Variants in USP25 observed in about 807,000 individuals in gnomAD.
USP25 encodes ubiquitin specific peptidase 25, also known as ubiquitin carboxyl-terminal hydrolase 25.
In USP25, 85 loss-of-function variants were observed where a neutral mutation model predicts 158.5. The ratio of observed to expected loss-of-function variants is 0.54; its 90% CI spans 0.45 to 0.64. The LOEUF (loss-of-function observed/expected upper bound fraction) is 0.64. Ranked by LOEUF, USP25 falls within the 30% of genes least tolerant of loss-of-function variation. The probability of loss-of-function intolerance (pLI) is 0.00; values close to 1 mark genes in which losing one functional copy is unlikely to be tolerated. For missense variants in USP25, 1,242 were observed against 1,327.3 expected (o/e 0.94, Z 1.00); for synonymous variants, 464 against 460.4 (o/e 1.01, Z -0.10).
chr21:15,829,964 G>A (rs765195366), intron 14 of USP25, among the ~76,000 whole-genome samples: 4 of 152,152 alleles, frequency 2.6e-5, no homozygotes, highest in Non-Finnish European at 4.4e-5. Context: ...CAATCTAACC[G>A]TTTCCTTATT....
At position 15,826,126 on chromosome 21, in the gene USP25, C is replaced by CA. The variant is rs1305716581; in HGVS notation, c.1305-77dup. 60 of 1,415,040 alleles carry CA rather than the reference C, an allele frequency of 4.2e-5. No individual in the cohort carries two copies. Among genetic ancestry groups the CA allele is most frequent in the African/African-American group, 1.4e-5 (1 of 69,222 alleles). 87.7% of individuals were successfully genotyped at this position (1,415,040 alleles called of 1,614,324 possible). On this transcript the variant is annotated intron_variant, in intron 12 of 25. Transcript: ENST00000400183. The surrounding 1 kb of genome is among the most constrained non-coding windows in gnomAD (Gnocchi z 4.8). ...AGGAAGTTTTATTGAAGTATCGTATCACGTTTTATAATAATAATAAAGGCC... is the reference window on the plus strand; with the variant it reads ...AGGAAGTTTTATTGAAGTATCGTATCAACGTTTTATAATAATAATAAAGGCC...
At chr21:15,747,715 A>G (rs1164281381) in intron 1 of USP25, among the ~76,000 whole-genome samples, 1 of 152,152 alleles carries the variant, frequency 6.6e-6, no homozygotes, top group Non-Finnish European at 1.5e-5. Context: ...GGGAAGATTC[A>G]TGTTGTGGGT....
intron 17 of USP25, among the ~76,000 whole-genome samples, chr21:15,839,541 A>G (rs546098260): frequency 6.6e-6 from 1 of 152,314 alleles, no homozygotes; most frequent in South Asian, 2.1e-4. Context: ...GTAGGTAGGT[A>G]CAGTCTGGAA....
At chr21:15,764,097 G>A (rs973131696) in intron 2 of USP25, among the ~76,000 whole-genome samples, 5 of 152,160 alleles carry the variant, frequency 3.3e-5, no homozygotes, top group Middle Eastern at 3.4e-3. Flanking sequence ...GCATTAATGC[G>A]GGGTGTATGA....
chr21:15,841,957 A>C (rs1266059909), intron 17 of USP25, among the ~76,000 whole-genome samples: 3 of 152,162 alleles, frequency 2.0e-5, no homozygotes, highest in African/African-American at 7.2e-5. Context: ...AAAAGATGGA[A>C]GGTTAGGTTC....
rs146479834 is a variant in USP25 at position 15,831,615 on chromosome 21, A to T, written c.1979A>T (p.Gln660Leu). 9.9e-6 allele frequency: 16 copies of T among 1,613,280 alleles called. No individual in the cohort carries two copies. The African/African-American group carries it at 1.6e-4, about 16-fold the overall frequency. ...TTAATGTACATAAATGATAAGGCAC[A>T]GTTCCTAATACAAGGTAAGAATATA... Reference protein sequence around the residue: ...YCLMYINDKAQFLIQEEFNKE... With the variant: ...YCLMYINDKALFLIQEEFNKE... Residue 660 changes from glutamine to leucine, a missense_variant, in exon 16 of 26, where the codon CAG (glutamine) becomes CTG (leucine). By Grantham distance (113) the Gln-to-Leu change is moderately radical (BLOSUM62 -2). Coordinates refer to ENST00000400183, the MANE Select transcript of USP25 (RefSeq NM_001283041.3).
chr21:15,828,408 T>C (rs2037631381), intron 14 of USP25, among the ~76,000 whole-genome samples: 1 of 152,108 alleles, frequency 6.6e-6, no homozygotes, highest in Non-Finnish European at 1.5e-5. Flanking sequence ...AGTAGTGGCA[T>C]TGAGGGAGGG....
At chr21:15,862,736 CAT>C in intron 20 of USP25, among the ~76,000 whole-genome samples, 1 of 139,272 alleles carries the variant, frequency 7.2e-6, no homozygotes, top group Non-Finnish European at 1.5e-5. Context: ...TTTGGAATGA[CAT>C]GTATATCCTC....
At chr21:15,763,433 A>C (rs1017653572) in intron 2 of USP25, among the ~76,000 whole-genome samples, 1 of 152,178 alleles carries the variant, frequency 6.6e-6, no homozygotes, top group African/African-American at 2.4e-5. Flanking sequence ...TTACACCCTA[A>C]GTTAAACATT....
At chr21:15,788,675 G>A (rs2035426089) in intron 4 of USP25, among the ~76,000 whole-genome samples, 1 of 152,030 alleles carries the variant, frequency 6.6e-6, no homozygotes, top group Non-Finnish European at 1.5e-5. Flanking sequence ...AAGAGGGTCA[G>A]GAAATCATGG....
Position 15,730,423 on chromosome 21 carries a change from G to C in USP25, c.30G>C (p.Gln10His). The C allele has an allele frequency of 2.2e-6, 3 of 1,365,434 alleles. No homozygotes were observed. Among genetic ancestry groups the C allele is most frequent in the Non-Finnish European group, 2.9e-6 (3 of 1,049,710 alleles). The allele number at this position is 1,365,434 out of a possible 1,614,324, so 84.6% of individuals were successfully genotyped here. The change falls in exon 1 of 26, where the codon CAG becomes CAC. Residue 10 changes from glutamine (Q) to histidine (H), a missense_variant. This residue lies in a region of USP25 where 627 missense variants were observed against 701.4 expected (regional missense o/e 0.89). Transcript: ENST00000400183. ...CCGTGGAGCAGAACGTGCTGCAGCA[G>C]AGCGCGGCGCAGAAGGTGAGGCGAG... MTVEQNVLQQSAAQKHQQTF... is the reference protein window; with the variant it reads MTVEQNVLQHSAAQKHQQTF...
At chr21:15,782,648 C>T (rs928863613) in intron 4 of USP25, among the ~76,000 whole-genome samples, 1 of 152,140 alleles carries the variant, frequency 6.6e-6, no homozygotes, top group Non-Finnish European at 1.5e-5. Context: ...GGTGAGGATT[C>T]CAGCTGAATA....
intron 20 of USP25, among the ~76,000 whole-genome samples, chr21:15,851,516 A>G (rs1016834622): frequency 1.3e-5 from 2 of 152,078 alleles, no homozygotes; most frequent in Admixed American, 6.6e-5. Context: ...ACACACACAC[A>G]CACACACACA....
At chr21:15,807,545 A>G (rs536264306) in intron 7 of USP25, among the ~76,000 whole-genome samples, 1 of 152,286 alleles carries the variant, frequency 6.6e-6, no homozygotes, top group African/African-American at 2.4e-5. Context: ...GCAGGGCCAC[A>G]CTTCCTCCAT....
At chr21:15,800,774 A>C (rs2036094734) in intron 6 of USP25, among the ~76,000 whole-genome samples, 1 of 151,408 alleles carries the variant, frequency 6.6e-6, no homozygotes, top group Non-Finnish European at 1.5e-5. Flanking sequence ...TGAAATATTA[A>C]ATTATGTTTT....
At chr21:15,760,106 C>A (rs546973320) in intron 1 of USP25, among the ~76,000 whole-genome samples, 1 of 152,194 alleles carries the variant, frequency 6.6e-6, no homozygotes, top group Non-Finnish European at 1.5e-5. Flanking sequence ...GATAGCAGAA[C>A]CCTGATTTCA....
intron 1 of USP25, among the ~76,000 whole-genome samples, chr21:15,761,742 C>T (rs1384643824): frequency 6.6e-6 from 1 of 152,112 alleles, no homozygotes; most frequent in Non-Finnish European, 1.5e-5. Context: ...TGTATAAAAC[C>T]CCAAGTCAAA....
Position 15,846,158 on chromosome 21 carries a change from A to ATTT in USP25, c.2338-1485_2338-1483dup, listed in dbSNP as rs397973617. ...TATATATATATATATATATATATAT[A>ATTT]TTTTTTTTTTTTTTTTTTTTTTGAG... On this transcript the variant is annotated intron_variant, in intron 18 of 25. Transcript: ENST00000400183. Among the ~76,000 whole-genome samples the ATTT allele has an allele frequency of 2.1e-3, 50 of 23,952 alleles. 2 individuals carry two copies. The highest frequency in any genetic ancestry group is 4.6e-3 in the East Asian group (3 of 656). 15.7% of individuals were successfully genotyped at this position (23,952 alleles called of 152,430 possible). A position where few individuals can be genotyped will look rare whatever the true frequency, so the allele number is the denominator to read the frequency against.
chr21:15,805,592 G>A (rs961003236), intron 7 of USP25: 1 of 168,814 alleles, frequency 5.9e-6, no homozygotes, highest in African/African-American at 2.4e-5. Context: ...TGCTGGCAGG[G>A]AGTACTTTTC....
Sources: gnomAD v4.1 joint callset for allele counts (sites outside exome capture counted in the v4.1 genomes callset) on GRCh38, gnomAD v4.1.1 for gene constraint, gnomAD v4.1.1 regional missense constraint, Gnocchi (gnomAD v3.1) non-coding constraint, MANE v1.5 for transcripts, NCBI Gene and HGNC (gene_info 2026-07-23, HGNC 2026-07-21) for gene names.